The following FAM81A variants were observed in gnomAD, a reference collection of about 807,000 sequenced individuals.
The protein encoded by FAM81A is family with sequence similarity 81 member A.
Under a neutral mutation model 46.7 loss-of-function variants are expected in FAM81A, and 19 were observed. The ratio of observed to expected loss-of-function variants is 0.41; its 90% CI spans 0.28 to 0.60. FAM81A has a LOEUF of 0.60. Ranked by LOEUF, FAM81A falls within the 20% of genes least tolerant of loss-of-function variation. The pLI is 0.34. For missense variants in FAM81A, 377 were observed against 453.5 expected, an observed-to-expected ratio of 0.83 and a Z score of 1.53; for synonymous variants, 183 against 152.9, an observed-to-expected ratio of 1.20 and a Z score of -1.45.
In FAM81A at chr15:59,500,173, C is replaced by T. The variant is rs191122071; in HGVS notation, c.414-7040C>T. 7.7e-4 allele frequency among the ~76,000 whole-genome samples: 117 copies of T among 151,956 alleles called. 2 individuals are homozygous for T. The East Asian group carries it at 0.018, about 24-fold the overall frequency. On this transcript the variant is annotated intron_variant, in intron 4 of 8. Coordinates refer to ENST00000288228, the MANE Select transcript of FAM81A (RefSeq NM_152450.3). ...CGGCCATGATGTGTCTGGTATGGAT[C>T]TCTTGGTGTTTGCCCTACTTGGAGT... is the stretch of plus-strand genomic sequence containing the variant.
rs1319636241 is a variant in FAM81A at position 59,514,323 on chromosome 15, A to G, written c.685A>G (p.Ile229Val). Residue 229 changes from isoleucine to valine, a missense_variant, in exon 7 of 9, where the codon ATA becomes GTA. By Grantham distance (29) the Ile-to-Val change is conservative (BLOSUM62 3). Coordinates refer to ENST00000288228, the MANE Select transcript of FAM81A (RefSeq NM_152450.3). Reference sequence around the variant, plus strand: ...TACAGTTGAGGAACTCAGTAACCAGATATTATCTGCACGGAGTTGGTTGCA... The same window carrying G: ...TACAGTTGAGGAACTCAGTAACCAGGTATTATCTGCACGGAGTTGGTTGCA... The part of the protein sequence containing the change: ...KGTVEELSNQ[I>V]LSARSWLQQE... 1.2e-6 allele frequency: 2 copies of G among 1,612,690 alleles called. No homozygotes were observed. Among genetic ancestry groups the G allele is most frequent in the East Asian group, 2.2e-5 (1 of 44,862 alleles).
intron 1 of FAM81A, among the ~76,000 whole-genome samples, chr15:59,448,541 G>GATAGATAGATAGATAGATAGA (rs1555428230): frequency 1.3e-4 from 19 of 151,922 alleles, no homozygotes; most frequent in Non-Finnish European, 2.6e-4. Flanking sequence ...AGATAGATAG[G>GATAGATAGATAGATAGATAGA]TAGATAGATA....
At chr15:59,483,284 G>A (rs541378205) in intron 3 of FAM81A, among the ~76,000 whole-genome samples, 4 of 152,084 alleles carry the variant, frequency 2.6e-5, no homozygotes, top group South Asian at 2.1e-4. Flanking sequence ...TGATCCACCC[G>A]CCTCGGCCTC....
At chr15:59,483,043 A>C (rs910663318) in intron 3 of FAM81A, among the ~76,000 whole-genome samples, 3 of 145,998 alleles carry the variant, frequency 2.1e-5, no homozygotes, top group Admixed American at 1.4e-4. Context: ...TTTCTGGTGA[A>C]TTTTTTTTTT....
rs935064258 is a variant in FAM81A at position 59,449,569 on chromosome 15, C to G, written c.-77-8981C>G. 9.2e-5 allele frequency among the ~76,000 whole-genome samples: 14 copies of G among 152,082 alleles called. 1 individual carries two copies. The highest frequency in any genetic ancestry group is 1.8e-4 in the Non-Finnish European group (12 of 68,006). ...GGCCAAGGCGGGCGGATCACGAGGT[C>G]AGGAGATCGAGACCATCCTGGCTAA... On this transcript the variant is annotated intron_variant, in intron 1 of 8. Coordinates refer to ENST00000288228, the MANE Select transcript of FAM81A (RefSeq NM_152450.3).
At chr15:59,428,550 T>C (rs1465105382) in intron 2 of FAM81A, among the ~76,000 whole-genome samples, 2 of 149,894 alleles carry the variant, frequency 1.3e-5, no homozygotes, top group Non-Finnish European at 3.0e-5. Context: ...GCTGGGATTA[T>C]AGGCACCTGC....
intron 3 of FAM81A, among the ~76,000 whole-genome samples, chr15:59,468,661 C>T (rs1257833605): frequency 6.6e-6 from 1 of 151,314 alleles, no homozygotes; most frequent in Non-Finnish European, 1.5e-5. Flanking sequence ...AAAAAAAACC[C>T]AGCTCCTGGA....
chr15:59,458,785 A>G lies in FAM81A; in HGVS notation c.20+139A>G, dbSNP rs1205734540. ...AACACTATTGTGTCCTCTAGCTTTC[A>G]ATTTATAGGATACTGTGGACCACTC... On this transcript the variant is annotated intron_variant, in intron 2 of 8. Transcript: ENST00000288228. The G allele has an allele frequency of 2.2e-5, 17 of 774,932 alleles. No homozygotes were observed. The African/African-American group carries it at 2.9e-4, about 13-fold the overall frequency. The allele number at this position is 774,932 out of a possible 1,614,324, so 48.0% of individuals were successfully genotyped here.
intron 3 of FAM81A, among the ~76,000 whole-genome samples, chr15:59,469,846 G>A (rs1284882172): frequency 6.6e-6 from 1 of 152,148 alleles, no homozygotes; most frequent in Admixed American, 6.5e-5. Context: ...TTTTGCAGTG[G>A]CTGGTACCGG....
chr15:59,422,848 TGA>T, intron 2 of FAM81A, among the ~76,000 whole-genome samples: 1 of 152,340 alleles, frequency 6.6e-6, no homozygotes, highest in African/African-American at 2.4e-5. Context: ...AAAGATTCCT[TGA>T]GTGGTTCATA....
intron 6 of FAM81A, among the ~76,000 whole-genome samples, chr15:59,512,667 G>A (rs763717378): frequency 6.6e-6 from 1 of 151,980 alleles, no homozygotes; most frequent in Non-Finnish European, 1.5e-5. Flanking sequence ...AGGGGTTCAC[G>A]GTTGTGTACT....
chr15:59,507,404 G>A, intron 5 of FAM81A, 62 bp downstream of exon 5: 1 of 1,569,588 alleles, frequency 6.4e-7, no homozygotes, highest in Non-Finnish European at 8.7e-7. Context: ...AGAATAACAT[G>A]GTGTTGATTA....
chr15:59,401,789 G>GTTTCTC (rs2081072098), intron 1 of FAM81A: 1 of 720,644 alleles, frequency 1.4e-6, no homozygotes, highest in Non-Finnish European at 2.5e-6. Context: ...TTTTTTTGGT[G>GTTTCTC]TTTCTCTTTT....
chr15:59,516,276 C>T (rs1463256095), intron 7 of FAM81A, among the ~76,000 whole-genome samples: 1 of 152,080 alleles, frequency 6.6e-6, no homozygotes, highest in Non-Finnish European at 1.5e-5. Flanking sequence ...CAGGCACCCA[C>T]CACCATCCAT....
At position 59,516,690 on chromosome 15, in the gene FAM81A, G is replaced by T. The variant is rs370954122; in HGVS notation, c.832G>T (p.Ala278Ser). ...GGAGAAGAAGCTCAGCCAGATGTCA[G>T]CCAGGCTTGACAAAATAGAAGAGGG... ...DMEKKLSQMSARLDKIEEGQK... is the reference protein window; with the variant it reads ...DMEKKLSQMSSRLDKIEEGQK... Residue 278 changes from alanine to serine, a missense_variant, in exon 8 of 9, where the codon GCC becomes TCC. Physicochemically the swap from Ala to Ser is moderately conservative, Grantham distance 99. Coordinates refer to ENST00000288228, the MANE Select transcript of FAM81A (RefSeq NM_152450.3). 1.9e-6 allele frequency: 3 copies of T among 1,613,526 alleles called. No homozygotes were observed. Among genetic ancestry groups the T allele is most frequent in the African/African-American group, 2.7e-5 (2 of 74,896 alleles).
intron 2 of FAM81A, among the ~76,000 whole-genome samples, chr15:59,428,619 T>G (rs1171789252): frequency 8.2e-6 from 1 of 122,180 alleles, no homozygotes; most frequent in Non-Finnish European, 1.7e-5. Context: ...CCATGTCTAC[T>G]CCTTTTTTTT....
In FAM81A at chr15:59,438,641, C is replaced by G. The variant is rs927611656; in HGVS notation, c.-78+359C>G. 3.3e-5 allele frequency: 5 copies of G among 152,334 alleles called. No homozygotes were observed. In the East Asian group the frequency reaches 9.7e-4, roughly 29 times the overall value. The allele number at this position is 152,334 out of a possible 1,614,324, so 9.4% of individuals were successfully genotyped here. The stretch of plus-strand genomic sequence containing the variant: ...AGTGAGTGACCTTGGGTAGGTTAAC[C>G]ATCTGCTCTTCCGCCCCTTCGCTTT... On this transcript the variant is annotated intron_variant, in intron 1 of 8. Coordinates refer to ENST00000288228, the MANE Select transcript of FAM81A (RefSeq NM_152450.3).
At chr15:59,402,206 G>A (rs2081074209) in intron 1 of FAM81A, 1 of 176,162 alleles carries the variant, frequency 5.7e-6, no homozygotes, top group African/African-American at 2.4e-5. Context: ...CGTGGATAAT[G>A]TTAGGAGGAT....
intron 2 of FAM81A, among the ~76,000 whole-genome samples, chr15:59,409,695 C>T (rs759367156): frequency 6.6e-6 from 1 of 152,122 alleles, no homozygotes; most frequent in African/African-American, 2.4e-5. Context: ...AAGACATGTC[C>T]TCATCAATAA....
Sources: gnomAD v4.1 joint callset for allele counts (sites outside exome capture counted in the v4.1 genomes callset) on GRCh38, gnomAD v4.1.1 for gene constraint, MANE v1.5 for transcripts, NCBI Gene and HGNC (gene_info 2026-07-23, HGNC 2026-07-21) for gene names.